Variants in USP24 observed in about 807,000 individuals in gnomAD.
USP24 encodes the protein ubiquitin carboxyl-terminal hydrolase 24.
USP24 carries 97 observed loss-of-function variants against 361.6 expected under a neutral mutation model. The ratio of observed to expected loss-of-function variants is 0.27; its 90% CI spans 0.23 to 0.32. USP24 has a LOEUF of 0.32. USP24 is among the 10% of genes least tolerant of loss of function. USP24 has a pLI of 1.00. For missense variants in USP24, 2,353 were observed against 3,165.6 expected (o/e 0.74, Z 6.16); for synonymous variants, 1,098 against 1,124.6 (o/e 0.98, Z 0.47).
chr1:55,110,222 A>G lies in USP24; in HGVS notation c.4533T>C (p.Tyr1511=), dbSNP rs1429460418. The change falls in exon 39 of 68, where the codon TAT becomes TAC. Residue 1511 remains tyrosine, a synonymous_variant. Coordinates refer to ENST00000294383, the MANE Select transcript of USP24 (RefSeq NM_015306.3). ...CTAATAACTGGCATCTCAAATCAAA[A>G]TACTCCATACACTGAGATAACAGTC... is the stretch of plus-strand genomic sequence containing the variant. ...NQRLLSQCME[Y]FDLRCQLLDD... is the part of the protein sequence containing the mutation. 6.4e-7 allele frequency: 1 copy of G among 1,553,868 alleles called. No homozygotes were observed. The highest frequency in any genetic ancestry group is 8.7e-7 in the Non-Finnish European group (1 of 1,148,058).
chr1:55,214,600 A>T (rs1052862707), intron 1 of USP24, among the ~76,000 whole-genome samples, 190 bp downstream of exon 1: 12 of 150,230 alleles, frequency 8.0e-5, no homozygotes, highest in Admixed American at 7.3e-4. Flanking sequence ...CCCTCTCCCC[A>T]CTTACCCCCA....
chr1:55,154,909 C>T (rs1353765674), intron 12 of USP24, 131 bp from the exon 13 acceptor site: 7 of 626,828 alleles, frequency 1.1e-5, no homozygotes, highest in Non-Finnish European at 2.0e-5. Context: ...AATCAGCATC[C>T]ACTTGCATAA....
intron 18 of USP24, 64 bp downstream of exon 18, chr1:55,147,585 G>C: frequency 6.9e-7 from 1 of 1,441,106 alleles, no homozygotes; most frequent in Non-Finnish European, 9.1e-7. Flanking sequence ...TCTTTTTATA[G>C]TATAAGTATA....
intron 60 of USP24, among the ~76,000 whole-genome samples, chr1:55,078,926 C>T (rs1645083607): frequency 1.7e-5 from 2 of 120,820 alleles, no homozygotes; most frequent in Admixed American, 8.7e-5. Context: ...TAATCACCAA[C>T]AGATCCAAAA....
At chr1:55,192,176 A>AT (rs1644307414) in intron 1 of USP24, among the ~76,000 whole-genome samples, 1 of 152,092 alleles carries the variant, frequency 6.6e-6, no homozygotes, top group African/African-American at 2.4e-5. Context: ...AAGTACCCTT[A>AT]TTTTTTTAAA....
In USP24 at chr1:55,091,031, C is replaced by G. The variant is rs1214642765; in HGVS notation, c.6554+992G>C. Among the ~76,000 whole-genome samples the G allele has an allele frequency of 2.6e-5, 4 of 152,254 alleles. No individual in the cohort carries two copies. The South Asian group carries it at 6.2e-4, about 24-fold the overall frequency. Reference sequence around the variant, plus strand: ...CCCGGGACACAGAGGTTGCAGTGAGCCAAGACTGCACCACTGCACTCCAGT... The same window carrying G: ...CCCGGGACACAGAGGTTGCAGTGAGGCAAGACTGCACCACTGCACTCCAGT... On this transcript the variant is annotated intron_variant, in intron 54 of 67. Coordinates refer to ENST00000294383, the MANE Select transcript of USP24 (RefSeq NM_015306.3).
chr1:55,072,814 C>T lies in USP24; in HGVS notation c.7574G>A (p.Ser2525Asn). 6.2e-7 allele frequency: 1 copy of T among 1,607,566 alleles called. No individual in the cohort carries two copies. The highest frequency in any genetic ancestry group is 1.1e-5 in the South Asian group (1 of 89,222). Residue 2525 changes from serine to asparagine, a missense_variant, in exon 65 of 68, where the codon AGC becomes AAC. Physicochemically the swap from Ser to Asn is conservative, Grantham distance 46. This residue lies in a region of USP24 where 598 missense variants were observed against 761.9 expected (regional missense o/e 0.78). Transcript: ENST00000294383. ...EYFKENSHHWSWAVQWLQKKM... is the reference protein window; with the variant it reads ...EYFKENSHHWNWAVQWLQKKM... ...CTTCTGTAGCCACTGCACAGCCCAG[C>T]TCCAGTGGTGGGAATTCTCCTTGAA...
At chr1:55,087,592 C>T (rs1645279842) in intron 55 of USP24, among the ~76,000 whole-genome samples, 1 of 152,232 alleles carries the variant, frequency 6.6e-6, no homozygotes, top group Admixed American at 6.5e-5. Flanking sequence ...GTACAGCACA[C>T]AGCACTTCAA....
intron 31 of USP24, among the ~76,000 whole-genome samples, chr1:55,131,640 C>T (rs1646594179): frequency 6.6e-6 from 1 of 152,108 alleles, no homozygotes; most frequent in Non-Finnish European, 1.5e-5. Flanking sequence ...TCACATCATA[C>T]AAGCAACAAG....
chr1:55,130,183 TTTGG>T (rs761373438), intron 31 of USP24, among the ~76,000 whole-genome samples: 2 of 152,188 alleles, frequency 1.3e-5, no homozygotes, highest in Non-Finnish European at 2.9e-5. Context: ...AACTGAATAC[TTTGG>T]TTGGGCAGAA....
intron 67 of USP24, among the ~76,000 whole-genome samples, chr1:55,069,547 G>A (rs1015364913): frequency 8.5e-5 from 13 of 152,094 alleles, no homozygotes; most frequent in African/African-American, 3.1e-4. Flanking sequence ...CACACTTGGC[G>A]AATCGTTCTG....
chr1:55,150,610 A>G (rs577571761), intron 16 of USP24, among the ~76,000 whole-genome samples: 1 of 152,328 alleles, frequency 6.6e-6, no homozygotes, highest in East Asian at 1.9e-4. Flanking sequence ...AAGTATCATG[A>G]TGGCCAATTA....
At chr1:55,117,844 A>C (rs1646166417) in intron 38 of USP24, among the ~76,000 whole-genome samples, 1 of 151,882 alleles carries the variant, frequency 6.6e-6, no homozygotes, top group African/African-American at 2.4e-5. Flanking sequence ...TGTGTTTCTT[A>C]CACTAACAAT....
intron 4 of USP24, 112 bp downstream of exon 4, chr1:55,172,264 TA>T: frequency 9.6e-7 from 1 of 1,036,854 alleles, no homozygotes; most frequent in Non-Finnish European, 1.3e-6. Context: ...TCCTAACAGC[TA>T]ATATCCTTAA....
At chr1:55,091,046 T>C (rs750597586) in intron 54 of USP24, among the ~76,000 whole-genome samples, 4 of 152,152 alleles carry the variant, frequency 2.6e-5, no homozygotes, top group Admixed American at 6.5e-5. Context: ...ACTGCACCAC[T>C]GCACTCCAGT....
At chr1:55,208,995 A>C (rs1438370877) in intron 1 of USP24, among the ~76,000 whole-genome samples, 1 of 152,212 alleles carries the variant, frequency 6.6e-6, no homozygotes, top group Non-Finnish European at 1.5e-5. Flanking sequence ...ATATGAGCTT[A>C]ACGAAAATTT....
chr1:55,152,670 A>G (rs1483424069), intron 16 of USP24, among the ~76,000 whole-genome samples: 2 of 152,202 alleles, frequency 1.3e-5, no homozygotes, highest in East Asian at 3.9e-4. Context: ...ATCTGAGTGA[A>G]AAGAAAGCAA....
chr1:55,130,916 C>T (rs1276365124), intron 31 of USP24, among the ~76,000 whole-genome samples: 1 of 151,984 alleles, frequency 6.6e-6, no homozygotes, highest in Non-Finnish European at 1.5e-5. Context: ...GTACCTAAAG[C>T]AAAACAAAAA....
intron 5 of USP24, among the ~76,000 whole-genome samples, chr1:55,166,951 A>C (rs1648927908): frequency 6.6e-6 from 1 of 152,214 alleles, no homozygotes; most frequent in South Asian, 2.1e-4. Context: ...TTAACATAAG[A>C]AGCAGTAAAT....
Sources: allele counts gnomAD v4.1 joint callset (sites outside exome capture counted in the v4.1 genomes callset), GRCh38; gene constraint gnomAD v4.1.1; regional missense constraint gnomAD v4.1.1; transcripts MANE v1.5; gene names NCBI Gene and HGNC (gene_info 2026-07-23, HGNC 2026-07-21).